Variants in RAI1 observed in about 807,000 individuals in gnomAD.
The protein encoded by RAI1 is retinoic acid-induced protein 1.
Under a neutral mutation model 123.8 loss-of-function variants are expected in RAI1, and 9 were observed. The observed-to-expected ratio is 0.07, with a 90% CI of 0.04 to 0.13. The LOEUF (loss-of-function observed/expected upper bound fraction) is 0.13, where lower values mean the gene tolerates loss of function less well. Among genes scored for constraint, RAI1 ranks in the 10% least tolerant of loss-of-function variants. RAI1 has a pLI of 1.00. For missense variants in RAI1, 2,256 were observed against 2,545.8 expected, an observed-to-expected ratio of 0.89 and a Z score of 2.45; for synonymous variants, 1,231 against 1,127.3, an observed-to-expected ratio of 1.09 and a Z score of -1.84.
intron 2 of RAI1, among the ~76,000 whole-genome samples, chr17:17,761,077 T>C (rs1341723490): frequency 6.6e-6 from 1 of 152,220 alleles, no homozygotes; most frequent in Admixed American, 6.5e-5. Flanking sequence ...CTGTGTGACC[T>C]TAGGCTAGTT....
intron 2 of RAI1, among the ~76,000 whole-genome samples, chr17:17,792,674 G>A (rs1298590096): frequency 6.6e-6 from 1 of 152,024 alleles, no homozygotes; most frequent in Admixed American, 6.6e-5. Context: ...AGCTGCAGGC[G>A]ATGTGGGAGC....
At chr17:17,686,877 G>A (rs1372737315) in intron 1 of RAI1, among the ~76,000 whole-genome samples, 1 of 152,114 alleles carries the variant, frequency 6.6e-6, no homozygotes, top group Non-Finnish European at 1.5e-5. Context: ...ACAACCCTAA[G>A]TGTTCTCTTG....
At chr17:17,689,408 G>T (rs546222969) in intron 1 of RAI1, among the ~76,000 whole-genome samples, 2 of 152,326 alleles carry the variant, frequency 1.3e-5, no homozygotes, top group East Asian at 3.9e-4. Context: ...TGGGGCGGGT[G>T]AGAATTACTA....
At chr17:17,804,661 G>A (rs1241241906) in intron 4 of RAI1, among the ~76,000 whole-genome samples, 2 of 151,924 alleles carry the variant, frequency 1.3e-5, no homozygotes, top group African/African-American at 4.8e-5. Context: ...GGGGTGGGGT[G>A]GTTTTCGTTC....
Position 17,807,599 on chromosome 17 carries a change from G to A in RAI1, c.5660-1791G>A, listed in dbSNP as rs115489378. Among the ~76,000 whole-genome samples the A allele has an allele frequency of 8.4e-3, 1,285 of 152,356 alleles. 25 individuals are homozygous for A. Among genetic ancestry groups the A allele is most frequent in the African/African-American group, 0.029 (1,201 of 41,582 alleles). ...TTCCCCAGGTGCAGGCACCAGGTCA[G>A]GAGCCAGATCACTGAGGACTGGCCT... On this transcript the variant is annotated intron_variant, in intron 4 of 5. Transcript: ENST00000353383.
At chr17:17,693,389 C>T (rs1002265583) in intron 1 of RAI1, among the ~76,000 whole-genome samples, 4 of 152,228 alleles carry the variant, frequency 2.6e-5, no homozygotes, top group Non-Finnish European at 5.9e-5. Flanking sequence ...CAAGCTTGAT[C>T]ACAAAAGGAG....
chr17:17,729,291 G>A (rs539546592), intron 2 of RAI1, among the ~76,000 whole-genome samples: 2 of 152,354 alleles, frequency 1.3e-5, no homozygotes, highest in East Asian at 1.9e-4. Flanking sequence ...TAAGGACTAC[G>A]GTGGTAGAAA....
chr17:17,781,392 C>A (rs916469246), intron 2 of RAI1, among the ~76,000 whole-genome samples: 4 of 152,222 alleles, frequency 2.6e-5, no homozygotes, highest in Non-Finnish European at 5.9e-5. Flanking sequence ...CCCAGGGGGG[C>A]CTCTGAGCTC....
chr17:17,748,093 G>A (rs1048331806), intron 2 of RAI1, among the ~76,000 whole-genome samples: 10 of 152,220 alleles, frequency 6.6e-5, no homozygotes, highest in African/African-American at 1.9e-4. Context: ...GAGTCATGGC[G>A]GAAGGCGAAA....
chr17:17,717,218 A>G (rs1915738425), intron 1 of RAI1, among the ~76,000 whole-genome samples: 1 of 152,076 alleles, frequency 6.6e-6, no homozygotes, highest in Admixed American at 6.5e-5. Flanking sequence ...GGCCTCAGCC[A>G]CACCACTGTC....
chr17:17,720,685 G>A (rs941203830), intron 1 of RAI1, among the ~76,000 whole-genome samples: 1 of 152,212 alleles, frequency 6.6e-6, no homozygotes, highest in African/African-American at 2.4e-5. Flanking sequence ...GATGGGATCC[G>A]ATTGTGTTGC....
At chr17:17,704,054 G>C (rs1299962314) in intron 1 of RAI1, among the ~76,000 whole-genome samples, 1 of 152,202 alleles carries the variant, frequency 6.6e-6, no homozygotes, top group Non-Finnish European at 1.5e-5. Context: ...CAGTCAGGGC[G>C]GCAGGCTTGA....
At chr17:17,760,264 C>T (rs2030632972) in intron 2 of RAI1, among the ~76,000 whole-genome samples, 1 of 152,186 alleles carries the variant, frequency 6.6e-6, no homozygotes, top group Non-Finnish European at 1.5e-5. Flanking sequence ...CTGATATCCC[C>T]CACCTCCTAG....
intron 2 of RAI1, among the ~76,000 whole-genome samples, chr17:17,738,018 G>T (rs979684612): frequency 6.6e-6 from 1 of 152,174 alleles, no homozygotes; most frequent in African/African-American, 2.4e-5. Flanking sequence ...TCCCAGGGGG[G>T]CAGGTGGCTT....
chr17:17,778,443 A>C, intron 2 of RAI1: 1 of 290,708 alleles, frequency 3.4e-6, no homozygotes, highest in South Asian at 3.3e-5. Context: ...TTTGCTGTTT[A>C]ATTTAGAGTA....
intron 2 of RAI1, among the ~76,000 whole-genome samples, chr17:17,753,186 A>AG (rs1206303294): frequency 6.6e-6 from 1 of 152,170 alleles, no homozygotes; most frequent in Admixed American, 6.5e-5. Flanking sequence ...CAGGAGCCCC[A>AG]GGGGCTGGCC....
chr17:17,691,324 A>G (rs1163262700), intron 1 of RAI1, among the ~76,000 whole-genome samples: 1 of 152,188 alleles, frequency 6.6e-6, no homozygotes, highest in Non-Finnish European at 1.5e-5. Flanking sequence ...CCTGATGTCC[A>G]TGTGCCGAGG....
At position 17,798,294 on chromosome 17, in the gene RAI1, C is replaced by T; in HGVS notation, c.5346C>T (p.Ser1782=). 6.3e-7 allele frequency: 1 copy of T among 1,595,698 alleles called. No homozygotes were observed. Among genetic ancestry groups the T allele is most frequent in the South Asian group, 1.1e-5 (1 of 89,370 alleles). Reference sequence around the variant, plus strand: ...GGGGCCTGTCCCGGAGGCTGCAGAGCTGCTACTGCTGTGATGGCCGGGAGG... The same window carrying T: ...GGGGCCTGTCCCGGAGGCTGCAGAGTTGCTACTGCTGTGATGGCCGGGAGG... The part of the protein sequence containing the change: ...SARGLSRRLQ[S]CYCCDGREDG... The change falls in exon 3 of 6, where the codon AGC becomes AGT. Residue 1782 remains serine, a synonymous_variant. Coordinates refer to ENST00000353383, the MANE Select transcript of RAI1 (RefSeq NM_030665.4).
At chr17:17,778,869 G>A (rs558876411) in intron 2 of RAI1, 53 of 456,858 alleles carry the variant, frequency 1.2e-4, no homozygotes, top group African/African-American at 1.0e-3. Flanking sequence ...AGCCAAGAGG[G>A]AGGGAGTTCT....
Sources: gnomAD v4.1 joint callset for allele counts (sites outside exome capture counted in the v4.1 genomes callset) on GRCh38, gnomAD v4.1.1 for gene constraint, MANE v1.5 for transcripts, NCBI Gene and HGNC (gene_info 2026-07-23, HGNC 2026-07-21) for gene names.